Variants in TDRD5 observed in about 807,000 individuals in gnomAD.
TDRD5 encodes the protein tudor domain-containing protein 5.
Under a neutral mutation model 120.6 loss-of-function variants are expected in TDRD5, and 41 were observed. The observed-to-expected ratio is 0.34, with a 90% CI of 0.26 to 0.44. TDRD5 has a LOEUF of 0.44. Among genes scored for constraint, TDRD5 ranks in the 20% least tolerant of loss-of-function variants. The probability of loss-of-function intolerance (pLI) is 1.00; values close to 1 mark genes in which losing one functional copy is unlikely to be tolerated. For synonymous variants in TDRD5, 430 were observed against 433.7 expected, an observed-to-expected ratio of 0.99 and a Z score of 0.11; for missense variants, 1,006 against 1,221.2, an observed-to-expected ratio of 0.82 and a Z score of 2.63.
intron 4 of TDRD5, among the ~76,000 whole-genome samples, chr1:179,604,665 C>T (rs1478936414): frequency 6.6e-6 from 1 of 151,882 alleles, no homozygotes; most frequent in Non-Finnish European, 1.5e-5. Context: ...AGGTAATTTT[C>T]CATGTATTTG....
intron 4 of TDRD5, among the ~76,000 whole-genome samples, chr1:179,608,377 T>C (rs1439959590): frequency 6.6e-6 from 1 of 152,130 alleles, no homozygotes; most frequent in Non-Finnish European, 1.5e-5. Flanking sequence ...TATTTTTCTC[T>C]CCTCTTTTGG....
chr1:179,601,839 T>A (rs1182929151), intron 4 of TDRD5, among the ~76,000 whole-genome samples: 1 of 152,250 alleles, frequency 6.6e-6, no homozygotes, highest in Non-Finnish European at 1.5e-5. Flanking sequence ...GGAGTCTTGC[T>A]CTGTCGCCCA....
At chr1:179,599,472 A>G (rs1156468632) in intron 4 of TDRD5, among the ~76,000 whole-genome samples, 1 of 151,846 alleles carries the variant, frequency 6.6e-6, no homozygotes, top group Non-Finnish European at 1.5e-5. Context: ...CTTTGCAGAA[A>G]GGTTTTAAAC....
chr1:179,675,355 C>T (rs1354359912), intron 17 of TDRD5, among the ~76,000 whole-genome samples: 6 of 141,916 alleles, frequency 4.2e-5, no homozygotes, highest in African/African-American at 1.6e-4. Context: ...TCCCGGCTCA[C>T]TGCAAGCTCC....
intron 11 of TDRD5, among the ~76,000 whole-genome samples, chr1:179,642,351 C>T (rs774992173): frequency 4.6e-5 from 7 of 152,078 alleles, no homozygotes; most frequent in African/African-American, 9.7e-5. Context: ...CCGCCCACCT[C>T]GGCCTCCCAA....
intron 14 of TDRD5, among the ~76,000 whole-genome samples, chr1:179,661,090 T>C (rs1008120603): frequency 1.3e-5 from 2 of 152,232 alleles, no homozygotes; most frequent in Admixed American, 1.3e-4. Flanking sequence ...TATTTTTCTT[T>C]GGCTACATTC....
intron 4 of TDRD5, among the ~76,000 whole-genome samples, chr1:179,602,927 T>C (rs991685557): frequency 2.0e-5 from 3 of 152,112 alleles, no homozygotes; most frequent in African/African-American, 7.2e-5. Context: ...GATAGTGATA[T>C]TATGATGGGG....
chr1:179,602,334 G>A (rs898811304), intron 4 of TDRD5, among the ~76,000 whole-genome samples: 1 of 152,210 alleles, frequency 6.6e-6, no homozygotes, highest in African/African-American at 2.4e-5. Context: ...TCATATGTTT[G>A]TTGGCCATTT....
chr1:179,680,077 A>T (rs1198359854), intron 17 of TDRD5, among the ~76,000 whole-genome samples: 1 of 152,126 alleles, frequency 6.6e-6, no homozygotes, highest in African/African-American at 2.4e-5. Flanking sequence ...CCTATTGGTT[A>T]TCTAGAATTA....
intron 17 of TDRD5, among the ~76,000 whole-genome samples, chr1:179,675,306 G>T (rs1243487500): frequency 8.4e-6 from 1 of 119,682 alleles, no homozygotes; most frequent in Non-Finnish European, 1.6e-5. Flanking sequence ...TTGAGACGGA[G>T]TCTCACTCTT....
intron 6 of TDRD5, among the ~76,000 whole-genome samples, chr1:179,625,469 A>G (rs1163215918): frequency 6.6e-6 from 1 of 152,224 alleles, no homozygotes; most frequent in Non-Finnish European, 1.5e-5. Context: ...TAGCTCCATA[A>G]TAGAAAGCCA....
chr1:179,640,515 C>T (rs1558399229), intron 11 of TDRD5, 70 bp downstream of exon 11: 1 of 1,445,700 alleles, frequency 6.9e-7, no homozygotes, highest in Non-Finnish European at 9.7e-7. Context: ...AACAGTTTCA[C>T]ATGCTCAGGA....
rs533255411 is a variant in TDRD5, at chr1:179,672,850, G to A, written c.2860+3446G>A. ...TATCCTAGCACCATTTGTTGAATAGGGTGTCCTTTCCCCACTTTATGTTTT... is the reference window on the plus strand; with the variant it reads ...TATCCTAGCACCATTTGTTGAATAGAGTGTCCTTTCCCCACTTTATGTTTT... On this transcript the variant is annotated intron_variant, in intron 17 of 17. Coordinates refer to ENST00000444136, the MANE Select transcript of TDRD5 (RefSeq NM_001199085.3). Among the ~76,000 whole-genome samples the A allele has an allele frequency of 2.0e-5, 3 of 152,156 alleles. No individual in the cohort carries two copies. In the South Asian group the frequency reaches 6.2e-4, roughly 32 times the overall value.
chr1:179,658,729 T>A (rs1158242010), intron 14 of TDRD5, among the ~76,000 whole-genome samples: 1 of 152,184 alleles, frequency 6.6e-6, no homozygotes, highest in Non-Finnish European at 1.5e-5. Flanking sequence ...TCCTAGAGAA[T>A]AAGCTTTTGG....
At chr1:179,648,699 C>T (rs915772893) in intron 11 of TDRD5, among the ~76,000 whole-genome samples, 2 of 151,436 alleles carry the variant, frequency 1.3e-5, no homozygotes, top group Non-Finnish European at 2.9e-5. Context: ...AAACTTCCTA[C>T]TGTTGAACTT....
intron 7 of TDRD5, among the ~76,000 whole-genome samples, chr1:179,633,068 A>T (rs1677550122): frequency 6.6e-6 from 1 of 152,230 alleles, no homozygotes; most frequent in African/African-American, 2.4e-5. Flanking sequence ...CTTTCATACC[A>T]TAAGAAAGTC....
At chr1:179,610,220 A>G (rs906007468) in intron 4 of TDRD5, among the ~76,000 whole-genome samples, 1 of 152,208 alleles carries the variant, frequency 6.6e-6, no homozygotes, top group East Asian at 1.9e-4. Context: ...AAAAAGAGTT[A>G]TAGTCTTACT....
At chr1:179,654,959 C>A (rs1421563600) in intron 14 of TDRD5, among the ~76,000 whole-genome samples, 1 of 151,882 alleles carries the variant, frequency 6.6e-6, no homozygotes, top group Non-Finnish European at 1.5e-5. Flanking sequence ...TACGAAAAAC[C>A]CATTGGGAAA....
At chr1:179,666,819 T>C (rs1156381146) in intron 16 of TDRD5, among the ~76,000 whole-genome samples, 1 of 152,232 alleles carries the variant, frequency 6.6e-6, no homozygotes, top group African/African-American at 2.4e-5. Flanking sequence ...TGCCAACAAT[T>C]GTAATCATGT....
Sources: gnomAD v4.1 joint callset for allele counts (sites outside exome capture counted in the v4.1 genomes callset) on GRCh38, gnomAD v4.1.1 for gene constraint, MANE v1.5 for transcripts, NCBI Gene and HGNC (gene_info 2026-07-23, HGNC 2026-07-21) for gene names.